Variants in BMP1 observed in about 807,000 individuals in gnomAD.
BMP1 encodes the protein bone morphogenetic protein 1.
In BMP1, 63 loss-of-function variants were observed where a neutral mutation model predicts 116.8. That is an observed-to-expected ratio of 0.54 (90% CI 0.44 to 0.67). The LOEUF (loss-of-function observed/expected upper bound fraction) is 0.67, where lower values mean the gene tolerates loss of function less well. BMP1 is among the 30% of genes least tolerant of loss of function. The pLI is 0.00. For missense variants in BMP1, 1,183 were observed against 1,358.9 expected, an observed-to-expected ratio of 0.87 and a Z score of 2.04; for synonymous variants, 536 against 533.4, an observed-to-expected ratio of 1.00 and a Z score of -0.07.
rs772529907 is a variant in BMP1, at chr8:22,179,680, C to T, written c.837-25C>T. ...TGCCCACTGTCCATGAGACGCTCAC[C>T]CTTACTTTTCTCCCTCTTCTTCAGG... On this transcript the variant is annotated intron_variant, in intron 6 of 19. Transcript: ENST00000306385. This position sits in a 1 kb window ranked among gnomAD's most constrained non-coding sequence, Gnocchi z 4.6. 1.9e-6 allele frequency: 3 copies of T among 1,613,052 alleles called. No individual in the cohort carries two copies. The highest frequency in any genetic ancestry group is 2.7e-5 in the African/African-American group (2 of 74,892).
chr8:22,194,918 A>G lies in BMP1; in HGVS notation c.1638A>G (p.Lys546=). The G allele has an allele frequency of 6.2e-7, 1 of 1,605,902 alleles. No individual in the cohort carries two copies. Among genetic ancestry groups the G allele is most frequent in the Non-Finnish European group, 8.5e-7 (1 of 1,176,686 alleles). The change falls in exon 12 of 20, where the codon AAA becomes AAG. Residue 546 remains lysine, a splice_region_variant and synonymous_variant. Transcript: ENST00000306385. This position sits in a 1 kb window ranked among gnomAD's most constrained non-coding sequence, Gnocchi z 4.5. ...NKAGFAVNFF[K]EVDECSRPNR... is the part of the protein sequence containing the mutation. The stretch of plus-strand genomic sequence containing the variant: ...CGGGCTTTGCCGTCAACTTTTTCAA[A>G]GGTGCCTCCTCTGTTACTCTCCCCT...
chr8:22,175,502 C>T (rs1377651841), intron 2 of BMP1, among the ~76,000 whole-genome samples: 1 of 152,108 alleles, frequency 6.6e-6, no homozygotes, highest in Non-Finnish European at 1.5e-5. Flanking sequence ...AAATACTGAC[C>T]CATTGCTCCT....
Position 22,201,192 on chromosome 8 carries a change from A to AC in BMP1, c.2108-605dup, listed in dbSNP as rs759100606. ...ATTCCGAGTGCAGAAAAGAAACCGG[A>AC]CCCCCCAGTGAGGCCTGCCAGGCCT... On this transcript the variant is annotated intron_variant, in intron 15 of 19. Transcript: ENST00000306385. 25 of 1,607,504 alleles carry AC rather than the reference A, an allele frequency of 1.6e-5. No homozygotes were observed. The highest frequency in any genetic ancestry group is 3.3e-5 in the South Asian group (3 of 90,626).
chr8:22,208,719 C>G (rs538284429), intron 18 of BMP1, among the ~76,000 whole-genome samples: 2 of 152,220 alleles, frequency 1.3e-5, no homozygotes, highest in Non-Finnish European at 2.9e-5. Context: ...AAGGATGCCA[C>G]GAGGGAGCTT....
chr8:22,195,506 C>T lies in BMP1; in HGVS notation c.1684C>T (p.Arg562Trp), dbSNP rs775940520. ...GCCCAACCGCGGGGGCTGTGAGCAGCGGTGCCTCAACACCCTGGGCAGCTA... is the reference window on the plus strand; with the variant it reads ...GCCCAACCGCGGGGGCTGTGAGCAGTGGTGCCTCAACACCCTGGGCAGCTA... ...SRPNRGGCEQ[R>W]CLNTLGSYKC... is the part of the protein sequence containing the mutation. Residue 562 changes from arginine to tryptophan, a missense_variant, in exon 13 of 20, where the codon CGG becomes TGG. Arg to Trp is a moderately radical substitution (Grantham distance 101, BLOSUM62 -3). This residue lies in a region of BMP1 where 956 missense variants were observed against 1,135.2 expected (regional missense o/e 0.84). Transcript: ENST00000306385. The T allele has an allele frequency of 1.6e-5, 26 of 1,612,196 alleles. No individual in the cohort carries two copies. The highest frequency in any genetic ancestry group is 2.1e-5 in the Non-Finnish European group (25 of 1,179,634).
chr8:22,177,630 G>A (rs761007747), intron 5 of BMP1: 2 of 760,246 alleles, frequency 2.6e-6, no homozygotes, highest in Non-Finnish European at 4.8e-6. Context: ...TCCTTCCCAT[G>A]TTCCCTTGAG....
intron 18 of BMP1, among the ~76,000 whole-genome samples, chr8:22,208,518 G>A (rs1829406168): frequency 6.6e-6 from 1 of 152,236 alleles, no homozygotes; most frequent in African/African-American, 2.4e-5. Flanking sequence ...GGCATGTGTT[G>A]GTAGAGGCAT....
chr8:22,195,059 G>A, intron 12 of BMP1, 140 bp downstream of exon 12: 1 of 914,550 alleles, frequency 1.1e-6, no homozygotes, highest in Admixed American at 3.1e-5. Flanking sequence ...AGGAGCTCTG[G>A]GCTAGCTGGG....
At chr8:22,202,021 T>C (rs1215139703) in intron 16 of BMP1, 93 bp downstream of exon 16, 3 of 1,487,094 alleles carry the variant, frequency 2.0e-6, no homozygotes, top group Non-Finnish European at 2.7e-6. Context: ...TCCGTTTAGA[T>C]TCTGGGGCCT....
At chr8:22,166,654 G>C (rs1200180174) in intron 1 of BMP1, among the ~76,000 whole-genome samples, 1 of 152,206 alleles carries the variant, frequency 6.6e-6, no homozygotes, top group Admixed American at 6.5e-5. Flanking sequence ...GGCACCAGGG[G>C]CGGAGGGGCA....
intron 1 of BMP1, among the ~76,000 whole-genome samples, chr8:22,172,824 C>T (rs975176049): frequency 6.6e-6 from 1 of 151,812 alleles, no homozygotes; most frequent in Admixed American, 6.6e-5. Flanking sequence ...ACCATGTTGC[C>T]CAGGCTGATC....
chr8:22,167,242 G>T (rs1479143177), intron 1 of BMP1, among the ~76,000 whole-genome samples: 1 of 152,162 alleles, frequency 6.6e-6, no homozygotes, highest in Admixed American at 6.5e-5. Flanking sequence ...TGGAATGGAT[G>T]TTGTGGGAGG....
intron 15 of BMP1, chr8:22,201,161 G>C: frequency 1.9e-6 from 3 of 1,579,020 alleles, no homozygotes; most frequent in Non-Finnish European, 8.6e-7. Flanking sequence ...GCCCCCACCA[G>C]CTCAAATTCC....
rs182625719 is a variant in BMP1 at position 22,180,292 on chromosome 8, G to T, written c.962-76G>T. On this transcript the variant is annotated intron_variant, in intron 7 of 19. Coordinates refer to ENST00000306385, the MANE Select transcript of BMP1 (RefSeq NM_006129.5). Reference sequence around the variant, plus strand: ...CTCCCCTCCCCCAGAGGATGCCAAGGTTCAGGGGTGGGTGAGCCAGAAGAT... The same window carrying T: ...CTCCCCTCCCCCAGAGGATGCCAAGTTTCAGGGGTGGGTGAGCCAGAAGAT... 1.3e-4 allele frequency: 159 copies of T among 1,226,182 alleles called. 1 individual carries two copies. The African/African-American group carries it at 1.9e-3, about 15-fold the overall frequency. The allele number at this position is 1,226,182 out of a possible 1,614,324, so 76.0% of individuals were successfully genotyped here.
intron 1 of BMP1, chr8:22,169,500 G>A (rs888996720): frequency 6.6e-6 from 1 of 152,264 alleles, no homozygotes; most frequent in Admixed American, 6.5e-5. Flanking sequence ...CATATGCGTG[G>A]GTGTGTCGCT....
chr8:22,193,994 G>T, intron 9 of BMP1, 64 bp from the exon 10 acceptor site: 1 of 1,355,292 alleles, frequency 7.4e-7, no homozygotes, highest in Non-Finnish European at 1.1e-6. Context: ...CTCCTGGAGA[G>T]GTGGGGCCTC....
intron 8 of BMP1, among the ~76,000 whole-genome samples, chr8:22,189,943 CAG>C (rs766332478): frequency 5.9e-5 from 9 of 152,058 alleles, no homozygotes; most frequent in Non-Finnish European, 1.2e-4. Flanking sequence ...TTTTTCGAGA[CAG>C]AGTCTTCCTC....
chr8:22,207,383 G>C lies in BMP1; in HGVS notation c.2442G>C (p.Lys814Asn), dbSNP rs756111914. The C allele has an allele frequency of 1.9e-6, 3 of 1,614,098 alleles. No individual in the cohort carries two copies. The Admixed American group carries it at 5.0e-5, about 27-fold the overall frequency. Reference protein sequence around the residue: ...HLEVFDGRDAKAPVLGRFCGS... With the variant: ...HLEVFDGRDANAPVLGRFCGS... ...AGGTGTTCGACGGGCGAGACGCCAAGGCCCCCGTCCTCGGCCGCTTCTGTG... is the reference window on the plus strand; with the variant it reads ...AGGTGTTCGACGGGCGAGACGCCAACGCCCCCGTCCTCGGCCGCTTCTGTG... The change falls in exon 18 of 20, where the codon AAG becomes AAC. Residue 814 changes from lysine (K) to asparagine (N), a missense_variant. This residue lies in a region of BMP1 where 956 missense variants were observed against 1,135.2 expected (regional missense o/e 0.84). Transcript: ENST00000306385.
chr8:22,210,316 G>A (rs184733253), intron 19 of BMP1, among the ~76,000 whole-genome samples: 5 of 151,312 alleles, frequency 3.3e-5, no homozygotes, highest in South Asian at 4.2e-4. Context: ...GGCTAGCCTC[G>A]TGGGGAGGAT....
Sources: allele counts gnomAD v4.1 joint callset (sites outside exome capture counted in the v4.1 genomes callset), GRCh38; gene constraint gnomAD v4.1.1; regional missense constraint gnomAD v4.1.1; non-coding constraint Gnocchi (gnomAD v3.1); transcripts MANE v1.5; gene names NCBI Gene and HGNC (gene_info 2026-07-23, HGNC 2026-07-21).